Variants in ASPH observed in about 807,000 individuals in gnomAD.
ASPH encodes aspartyl/asparaginyl beta-hydroxylase.
In ASPH, 100 loss-of-function variants were observed where a neutral mutation model predicts 118.4. The observed-to-expected ratio is 0.84, with a 90% CI of 0.72 to 1.00. The LOEUF (loss-of-function observed/expected upper bound fraction) is 1.00, where lower values mean the gene tolerates loss of function less well. Among genes scored for constraint, ASPH ranks in the 50% least tolerant of loss-of-function variants. The pLI is 0.00. For synonymous variants in ASPH, 315 were observed against 325.6 expected (o/e 0.97, Z 0.35); for missense variants, 920 against 919.5 (o/e 1.00, Z -0.01).
chr8:61,542,913 C>T (rs72657092), intron 21 of ASPH, among the ~76,000 whole-genome samples: 9,379 of 152,150 alleles, frequency 0.062, 490 homozygotes, highest in South Asian at 0.22. Flanking sequence ...CTTCTCTCCT[C>T]TATGGTTTCT....
At chr8:61,559,217 T>G (rs1226678061) in intron 18 of ASPH, among the ~76,000 whole-genome samples, 1 of 152,224 alleles carries the variant, frequency 6.6e-6, no homozygotes, top group Non-Finnish European at 1.5e-5. Flanking sequence ...AAATAACATG[T>G]TCTTTTCTCT....
intron 24 of ASPH, among the ~76,000 whole-genome samples, chr8:61,508,616 A>T (rs1158841134): frequency 1.3e-5 from 2 of 152,208 alleles, no homozygotes; most frequent in African/African-American, 4.8e-5. Flanking sequence ...ATGTTCTGAG[A>T]TAGGCAAAGG....
intron 14 of ASPH, among the ~76,000 whole-genome samples, chr8:61,588,050 T>G (rs12375366): frequency 0.12 from 17,913 of 152,206 alleles, 1,054 homozygotes; most frequent in Non-Finnish European, 0.14. Context: ...AGTATTTAAA[T>G]TATGTTCATA....
chr8:61,667,132 T>C lies in ASPH; in HGVS notation c.323-13472A>G, dbSNP rs183373855. Among the ~76,000 whole-genome samples the C allele has an allele frequency of 2.3e-3, 355 of 152,270 alleles. 2 individuals carry two copies. Among genetic ancestry groups the C allele is most frequent in the Non-Finnish European group, 2.1e-3 (146 of 68,034 alleles). ...TCACATAGTAAGTCTCATCTGTTCA[T>C]ATTTCACCAAAAAAACAAACTACAA... is the stretch of plus-strand genomic sequence containing the variant. On this transcript the variant is annotated intron_variant, in intron 3 of 24. Coordinates refer to ENST00000379454, the MANE Select transcript of ASPH (RefSeq NM_004318.4).
At chr8:61,609,260 T>G (rs923035067) in intron 14 of ASPH, among the ~76,000 whole-genome samples, 2 of 152,176 alleles carry the variant, frequency 1.3e-5, no homozygotes, top group African/African-American at 4.8e-5. Flanking sequence ...AAATCCTGCT[T>G]TCTGTTAGCA....
intron 12 of ASPH, 47 bp from the exon 13 acceptor site, chr8:61,633,774 TGTTTAAAATATGCGTTGCCAGATTTAA>T (rs1564105727): frequency 7.5e-7 from 1 of 1,339,108 alleles, no homozygotes; most frequent in Non-Finnish European, 1.0e-6. Context: ...TGCTGATCAG[TGTTTAAAATATGCGTTGCCAGATTTAA>T]GTAATGATGA....
At chr8:61,506,172 A>G (rs2129611559) in intron 24 of ASPH, among the ~76,000 whole-genome samples, 1 of 152,372 alleles carries the variant, frequency 6.6e-6, no homozygotes, top group South Asian at 2.1e-4. Flanking sequence ...GACACATGCT[A>G]CAACATGTAT....
At chr8:61,706,466 GGAAGAA>G (rs537453690) in intron 1 of ASPH, among the ~76,000 whole-genome samples, 2 of 137,556 alleles carry the variant, frequency 1.5e-5, no homozygotes, top group African/African-American at 5.5e-5. Context: ...AGGAGGAAGA[GGAAGAA>G]GAAGAAGAAA....
intron 3 of ASPH, chr8:61,659,492 A>G (rs894917576): frequency 6.6e-6 from 1 of 152,210 alleles, no homozygotes; most frequent in African/African-American, 2.4e-5. Context: ...CAATAAATAG[A>G]TACACAAAGT....
chr8:61,712,449 T>C (rs568397326), intron 1 of ASPH, among the ~76,000 whole-genome samples: 3 of 152,340 alleles, frequency 2.0e-5, no homozygotes, highest in African/African-American at 7.2e-5. Flanking sequence ...GGATAAAGAA[T>C]ACTCATTACG....
At chr8:61,535,927 G>A (rs935147855) in intron 21 of ASPH, among the ~76,000 whole-genome samples, 23 of 152,140 alleles carry the variant, frequency 1.5e-4, no homozygotes, top group African/African-American at 3.6e-4. Flanking sequence ...TAACAACACC[G>A]CTAAGGAAAT....
At chr8:61,680,907 CA>C in intron 3 of ASPH, 60 bp downstream of exon 3, 2 of 1,420,722 alleles carry the variant, frequency 1.4e-6, no homozygotes, top group East Asian at 2.4e-5. Context: ...ATTATTAAAG[CA>C]AAAATAATTG....
chr8:61,521,115 T>C (rs1812817645), intron 22 of ASPH, among the ~76,000 whole-genome samples: 1 of 152,066 alleles, frequency 6.6e-6, no homozygotes, highest in African/African-American at 2.4e-5. Context: ...ATGATGAGAG[T>C]GCCTCATTTG....
chr8:61,621,870 C>T (rs1851052709), intron 13 of ASPH, among the ~76,000 whole-genome samples: 1 of 152,222 alleles, frequency 6.6e-6, no homozygotes, highest in African/African-American at 2.4e-5. Flanking sequence ...CATATTTAGT[C>T]TTTAAATATT....
chr8:61,641,634 T>C (rs1348351041), intron 10 of ASPH, among the ~76,000 whole-genome samples: 2 of 152,190 alleles, frequency 1.3e-5, no homozygotes, highest in Non-Finnish European at 2.9e-5. Context: ...GATGATGAAC[T>C]TGGTAGGGTC....
intron 1 of ASPH, among the ~76,000 whole-genome samples, chr8:61,697,740 T>C (rs903659563): frequency 1.3e-5 from 2 of 152,234 alleles, no homozygotes; most frequent in East Asian, 1.9e-4. Context: ...TGGGAAGAAG[T>C]GCCAAGTTTC....
Position 61,502,338 on chromosome 8 carries a change from C to A in ASPH, c.*1021G>T, listed in dbSNP as rs1805078699. The stretch of plus-strand genomic sequence containing the variant: ...TTTTACTCTGCCATCCTTAATCTTT[C>A]TACAGAATTGTAGCAGAAATCATCT... On this transcript the variant is annotated 3_prime_UTR_variant, in exon 25 of 25. Transcript: ENST00000379454. 6.6e-6 allele frequency: 1 copy of A among 152,178 alleles called. No individual in the cohort carries two copies. Among genetic ancestry groups the A allele is most frequent in the Admixed American group, 6.6e-5 (1 of 15,264 alleles). 9.4% of individuals were successfully genotyped at this position (152,178 alleles called of 1,614,324 possible). A position where few individuals can be genotyped will look rare whatever the true frequency, so the allele number is the denominator to read the frequency against.
intron 14 of ASPH, among the ~76,000 whole-genome samples, chr8:61,608,826 G>A (rs1846399917): frequency 6.6e-6 from 1 of 152,122 alleles, no homozygotes; most frequent in African/African-American, 2.4e-5. Context: ...TGATTCTACC[G>A]CACTTTCTTC....
At position 61,653,577 on chromosome 8, in the gene ASPH, C is replaced by T. The variant is rs767124655; in HGVS notation, c.406G>A (p.Val136Met). 5 of 1,613,880 alleles carry T rather than the reference C, an allele frequency of 3.1e-6. No individual in the cohort carries two copies. Among genetic ancestry groups the T allele is most frequent in the Non-Finnish European group, 4.2e-6 (5 of 1,179,932 alleles). ...PHTEPEEQVP[V>M]EAEPQNIEDE... ...ATGAGGACAAGCTTACCTGCCTCCA[C>T]AGGAACCTGCTCCTCGGGCTCAGTG... The change falls in exon 4 of 25, where the codon GTG becomes ATG. Residue 136 changes from valine (V) to methionine (M), a missense_variant. Transcript: ENST00000379454.
Sources: gnomAD v4.1 joint callset for allele counts (sites outside exome capture counted in the v4.1 genomes callset) on GRCh38, gnomAD v4.1.1 for gene constraint, MANE v1.5 for transcripts, NCBI Gene and HGNC (gene_info 2026-07-23, HGNC 2026-07-21) for gene names.